The following XPO6 variants were observed in gnomAD, a reference collection of about 807,000 sequenced individuals.
XPO6 encodes the protein exportin 6, also known as exportin-6.
Under a neutral mutation model 130.0 loss-of-function variants are expected in XPO6, and 3 were observed. The observed-to-expected ratio is 0.02, with a 90% CI of 0.01 to 0.06. The LOEUF (loss-of-function observed/expected upper bound fraction) is 0.06. Ranked by LOEUF, XPO6 falls within the 10% of genes least tolerant of loss-of-function variation. The probability of loss-of-function intolerance (pLI) is 1.00; values close to 1 mark genes in which losing one functional copy is unlikely to be tolerated. For missense variants in XPO6, 970 were observed against 1,393.0 expected (o/e 0.70, Z 4.83); for synonymous variants, 524 against 548.9 (o/e 0.95, Z 0.63).
At position 28,109,435 on chromosome 16, in the gene XPO6, C is replaced by T. The variant is rs1265973118; in HGVS notation, c.2342-1758G>A. The stretch of plus-strand genomic sequence containing the variant: ...TTCTCTACAGTCCTGAGCAATTACA[C>T]CTGCCAAGCACCTTCCCAATGGACA... On this transcript the variant is annotated intron_variant, in intron 17 of 23. Coordinates refer to ENST00000304658, the MANE Select transcript of XPO6 (RefSeq NM_015171.4). Among the ~76,000 whole-genome samples, 36 of 151,946 alleles carry T rather than the reference C, an allele frequency of 2.4e-4. 1 individual carries two copies. The highest frequency in any genetic ancestry group is 2.4e-3 in the Admixed American group (36 of 15,262).
chr16:28,149,698 C>T (rs374319495), intron 8 of XPO6, among the ~76,000 whole-genome samples: 1 of 152,154 alleles, frequency 6.6e-6, no homozygotes, highest in East Asian at 1.9e-4. Flanking sequence ...TCTAGGCTTG[C>T]GTAAGTGCAC....
chr16:28,196,830 C>T (rs2043871866), intron 1 of XPO6, among the ~76,000 whole-genome samples: 1 of 152,180 alleles, frequency 6.6e-6, no homozygotes, highest in Non-Finnish European at 1.5e-5. Flanking sequence ...GTGATCTCTG[C>T]ACACAGATTC....
rs373839918 is a variant in XPO6 at position 28,135,216 on chromosome 16, A to G, written c.1443T>C (p.Asp481=). Residue 481 remains aspartate, a splice_region_variant and synonymous_variant, in exon 10 of 24, where the codon GAT becomes GAC. Transcript: ENST00000304658. ...AAATCAATCAGGGCATGCCGCTTAC[A>G]TCGTCATCCAGAGTCTCATCATCCA... ...EELDDETLDD[D]QQTEWQRYLR... 7 of 1,613,316 alleles carry G rather than the reference A, an allele frequency of 4.3e-6. No homozygotes were observed. The highest frequency in any genetic ancestry group is 5.9e-6 in the Non-Finnish European group (7 of 1,179,466).
At chr16:28,119,089 C>T (rs1378003147) in intron 14 of XPO6, among the ~76,000 whole-genome samples, 1 of 152,148 alleles carries the variant, frequency 6.6e-6, no homozygotes, top group East Asian at 1.9e-4. Context: ...AATCATAGCT[C>T]ACAGCAGCCT....
intron 20 of XPO6, 103 bp downstream of exon 20, chr16:28,105,940 C>G (rs1162381222): frequency 6.6e-7 from 1 of 1,509,228 alleles, no homozygotes; most frequent in Non-Finnish European, 9.0e-7. Flanking sequence ...GCATATTAAA[C>G]TAACAAATGA....
At chr16:28,199,401 A>G (rs967460983) in intron 1 of XPO6, among the ~76,000 whole-genome samples, 1 of 152,080 alleles carries the variant, frequency 6.6e-6, no homozygotes, top group Non-Finnish European at 1.5e-5. Context: ...CAGCCTCCTG[A>G]GTTGCTGGGA....
chr16:28,175,635 G>A (rs2043522279), intron 4 of XPO6, among the ~76,000 whole-genome samples: 1 of 152,132 alleles, frequency 6.6e-6, no homozygotes. Flanking sequence ...ACCTAGTACA[G>A]CACCTAACAG....
At chr16:28,111,778 A>C (rs1596793916) in intron 17 of XPO6, 39 bp downstream of exon 17, 1 of 1,600,886 alleles carries the variant, frequency 6.2e-7, no homozygotes, top group Non-Finnish European at 8.5e-7. Flanking sequence ...ATGCCTGCCT[A>C]CCTCCTTCCC....
intron 1 of XPO6, among the ~76,000 whole-genome samples, chr16:28,197,958 G>GT (rs2043892981): frequency 3.0e-5 from 1 of 33,108 alleles, no homozygotes; most frequent in Non-Finnish European, 6.3e-5. Flanking sequence ...CTACATCTAA[G>GT]TTTATTAAAA....
At chr16:28,192,487 C>T (rs534081296) in intron 1 of XPO6, among the ~76,000 whole-genome samples, 21 of 152,166 alleles carry the variant, frequency 1.4e-4, no homozygotes, top group African/African-American at 2.6e-4. Context: ...CCTTGCCACC[C>T]GCCTCCAGAC....
chr16:28,131,216 A>C (rs1286183361), intron 12 of XPO6, among the ~76,000 whole-genome samples: 1 of 152,246 alleles, frequency 6.6e-6, no homozygotes, highest in Non-Finnish European at 1.5e-5. Flanking sequence ...GCCAAGGCCC[A>C]TCAGCCTCCT....
intron 3 of XPO6, 132 bp from the exon 4 acceptor site, chr16:28,176,227 C>T (rs76275041): frequency 1.3e-6 from 1 of 755,664 alleles, no homozygotes; most frequent in South Asian, 1.8e-5. Flanking sequence ...GGCAATATGG[C>T]AATAAGAATA....
intron 4 of XPO6, chr16:28,173,185 T>C (rs1488352773): frequency 6.6e-6 from 1 of 152,198 alleles, no homozygotes; most frequent in Admixed American, 6.5e-5. Flanking sequence ...AATTGTGATA[T>C]CCAAGGAGGT....
chr16:28,137,056 G>A (rs768894229), intron 9 of XPO6, among the ~76,000 whole-genome samples: 48 of 152,258 alleles, frequency 3.2e-4, no homozygotes, highest in Admixed American at 4.6e-4. Context: ...CCCAGCAACA[G>A]ACACCTGGCA....
At chr16:28,207,389 A>G (rs2044049128) in intron 1 of XPO6, among the ~76,000 whole-genome samples, 1 of 152,202 alleles carries the variant, frequency 6.6e-6, no homozygotes, top group African/African-American at 2.4e-5. Context: ...AGCTCGCTCA[A>G]TACTAAGTAA....
chr16:28,142,752 G>A (rs1251653700), intron 9 of XPO6, among the ~76,000 whole-genome samples: 1 of 152,020 alleles, frequency 6.6e-6, no homozygotes, highest in East Asian at 1.9e-4. Flanking sequence ...TGTATTTTTT[G>A]TACAGACAGA....
chr16:28,166,853 T>C, intron 5 of XPO6: 1 of 980,300 alleles, frequency 1.0e-6, no homozygotes, highest in Non-Finnish European at 1.2e-6. Context: ...GGTTGCTGCA[T>C]GCACTCACTG....
intron 1 of XPO6, among the ~76,000 whole-genome samples, chr16:28,202,085 C>G (rs2043962673): frequency 1.3e-5 from 2 of 152,202 alleles, no homozygotes; most frequent in African/African-American, 4.8e-5. Flanking sequence ...ACAGCATCAG[C>G]AAAGGCAGAC....
intron 3 of XPO6, among the ~76,000 whole-genome samples, chr16:28,176,801 GC>G (rs1307502598): frequency 6.6e-6 from 1 of 151,906 alleles, no homozygotes; most frequent in Non-Finnish European, 1.5e-5. Context: ...GAGCCACTGC[GC>G]CCGGCCTACA....
Sources: gnomAD v4.1 joint callset for allele counts (sites outside exome capture counted in the v4.1 genomes callset) on GRCh38, gnomAD v4.1.1 for gene constraint, MANE v1.5 for transcripts, NCBI Gene and HGNC (gene_info 2026-07-23, HGNC 2026-07-21) for gene names.